The following PPP1R37 variants were observed in gnomAD, a reference collection of about 807,000 sequenced individuals.
The protein encoded by PPP1R37 is leucine rich repeat containing 68.
A neutral mutation model predicts 61.0 loss-of-function variants in PPP1R37; 21 were observed. The ratio of observed to expected loss-of-function variants is 0.34; its 90% CI spans 0.24 to 0.50. The LOEUF (loss-of-function observed/expected upper bound fraction) is 0.50. PPP1R37 is among the 20% of genes least tolerant of loss of function. The pLI is 0.98. For missense variants in PPP1R37, 910 were observed against 952.7 expected (o/e 0.96, Z 0.59); for synonymous variants, 443 against 433.5 (o/e 1.02, Z -0.27).
At chr19:45,122,062 C>T (rs1382521670) in intron 1 of PPP1R37, among the ~76,000 whole-genome samples, 3 of 152,186 alleles carry the variant, frequency 2.0e-5, no homozygotes, top group Non-Finnish European at 4.4e-5. Context: ...ACTCTTCTGC[C>T]TCCTCCTCCC....
intron 7 of PPP1R37, 93 bp downstream of exon 7, chr19:45,142,551 C>G: frequency 7.8e-7 from 1 of 1,290,252 alleles, no homozygotes; most frequent in Non-Finnish European, 1.1e-6. Context: ...CAGACATGGC[C>G]AAGACCACCC....
intron 1 of PPP1R37, among the ~76,000 whole-genome samples, chr19:45,094,750 T>C (rs923632273): frequency 3.4e-5 from 5 of 148,860 alleles, no homozygotes; most frequent in African/African-American, 1.2e-4. Flanking sequence ...AAAAAAGAAT[T>C]GGGGGATGTT....
intron 11 of PPP1R37, 98 bp from the exon 12 acceptor site, chr19:45,146,292 A>G: frequency 8.8e-7 from 1 of 1,137,006 alleles, no homozygotes; most frequent in Non-Finnish European, 1.2e-6. Flanking sequence ...GTCTCTGGGC[A>G]CTCTGCAGGC....
At chr19:45,146,525 G>C in intron 12 of PPP1R37, 45 bp downstream of exon 12, 1 of 1,383,218 alleles carries the variant, frequency 7.2e-7, no homozygotes, top group Non-Finnish European at 9.9e-7. Context: ...GGAGCTGAGA[G>C]AGCCTCTGGC....
chr19:45,100,858 C>G (rs1038904022), intron 1 of PPP1R37, among the ~76,000 whole-genome samples: 2 of 152,146 alleles, frequency 1.3e-5, no homozygotes, highest in African/African-American at 4.8e-5. Flanking sequence ...TTGTGCTGCT[C>G]CTCTGTCCTC....
chr19:45,132,952 G>A (rs1253283668), intron 1 of PPP1R37, among the ~76,000 whole-genome samples: 1 of 152,228 alleles, frequency 6.6e-6, no homozygotes, highest in Non-Finnish European at 1.5e-5. Flanking sequence ...ACGACCCTGG[G>A]AGTTAGTTAC....
chr19:45,132,503 T>G (rs1042324354), intron 1 of PPP1R37, among the ~76,000 whole-genome samples: 1 of 152,130 alleles, frequency 6.6e-6, no homozygotes, highest in African/African-American at 2.4e-5. Context: ...GGTCTCACTT[T>G]GTTGCTCGGC....
Position 45,145,770 on chromosome 19 carries a change from A to G in PPP1R37, c.1714A>G (p.Thr572Ala). The G allele has an allele frequency of 5.9e-6, 9 of 1,515,600 alleles. No homozygotes were observed. The highest frequency in any genetic ancestry group is 7.9e-6 in the Non-Finnish European group (9 of 1,136,318). 93.9% of individuals were successfully genotyped at this position (1,515,600 alleles called of 1,614,324 possible). The change falls in exon 11 of 13, where the codon ACC (threonine) becomes GCC (alanine). Residue 572 changes from threonine (T) to alanine (A), a missense_variant. Around this residue, in one of 3 missense-constraint regions of PPP1R37, gnomAD observed 549 missense variants for 505.1 expected, o/e 1.09. Transcript: ENST00000221462. ...PGRGHKVFVV[T>A]RVESPPERAE... ...CCGGGGCCACAAGGTGTTTGTGGTGACCCGGGTGGAGAGCCCGCCCGAGAG... is the reference window on the plus strand; with the variant it reads ...CCGGGGCCACAAGGTGTTTGTGGTGGCCCGGGTGGAGAGCCCGCCCGAGAG...
intron 1 of PPP1R37, among the ~76,000 whole-genome samples, chr19:45,132,882 A>G (rs1968495748): frequency 6.6e-6 from 1 of 151,842 alleles, no homozygotes; most frequent in African/African-American, 2.4e-5. Flanking sequence ...GTGAGCATGT[A>G]TATGTGTGTG....
At chr19:45,106,554 G>C (rs1968133859) in intron 1 of PPP1R37, among the ~76,000 whole-genome samples, 1 of 151,562 alleles carries the variant, frequency 6.6e-6, no homozygotes, top group Admixed American at 6.6e-5. Context: ...TGTTTGTTTT[G>C]AGATGAGGTC....
At chr19:45,142,016 G>A (rs1350603521) in intron 5 of PPP1R37, 45 bp from the exon 6 acceptor site, 1 of 1,455,656 alleles carries the variant, frequency 6.9e-7, no homozygotes. Flanking sequence ...GAGTGCTGGG[G>A]CAGGCCTGAG....
At chr19:45,146,248 A>T in intron 11 of PPP1R37, 142 bp from the exon 12 acceptor site, 5 of 919,304 alleles carry the variant, frequency 5.4e-6, no homozygotes, top group Non-Finnish European at 8.0e-6. Context: ...GGGGGCATGT[A>T]AGGTGTGCTG....
At chr19:45,106,453 G>T (rs1025934001) in intron 1 of PPP1R37, among the ~76,000 whole-genome samples, 1 of 151,918 alleles carries the variant, frequency 6.6e-6, no homozygotes, top group Non-Finnish European at 1.5e-5. Flanking sequence ...CATGTTGGCT[G>T]GGCTGATCTC....
In PPP1R37 at chr19:45,130,831, G is replaced by C; in HGVS notation, c.203-7683G>C. ...GTCATTTCCAGCCAGAGGTAGCATG[G>C]TTGTTACGGAGCAGCCCTAAATATT... On this transcript the variant is annotated intron_variant, in intron 1 of 12. Coordinates refer to ENST00000221462, the MANE Select transcript of PPP1R37 (RefSeq NM_019121.2). This position sits in a 1 kb window ranked among gnomAD's most constrained non-coding sequence, Gnocchi z 4.4. 6.6e-6 allele frequency among the ~76,000 whole-genome samples: 1 copy of C among 152,140 alleles called. No homozygotes were observed. The highest frequency in any genetic ancestry group is 2.4e-5 in the African/African-American group (1 of 41,412).
At chr19:45,097,122 G>A (rs1310972787) in intron 1 of PPP1R37, among the ~76,000 whole-genome samples, 1 of 152,046 alleles carries the variant, frequency 6.6e-6, no homozygotes, top group Admixed American at 6.5e-5. Context: ...GGTCTAAGGG[G>A]AGGCCCAAGT....
At chr19:45,120,669 C>T (rs1263548599) in intron 1 of PPP1R37, among the ~76,000 whole-genome samples, 2 of 152,242 alleles carry the variant, frequency 1.3e-5, no homozygotes, top group East Asian at 3.9e-4. Flanking sequence ...GCTCTGTTGC[C>T]CAGGCTGGAG....
chr19:45,115,879 G>T (rs1968260692), intron 1 of PPP1R37, among the ~76,000 whole-genome samples: 1 of 151,942 alleles, frequency 6.6e-6, no homozygotes, highest in Non-Finnish European at 1.5e-5. Context: ...GAGGCTGAGG[G>T]AGGAGAATTG....
chr19:45,099,804 T>A (rs1968039624), intron 1 of PPP1R37, among the ~76,000 whole-genome samples: 2 of 152,172 alleles, frequency 1.3e-5, no homozygotes, highest in Non-Finnish European at 2.9e-5. Context: ...CATGGTGGGA[T>A]TTACAGGAAA....
chr19:45,093,248 A>G lies in PPP1R37; in HGVS notation c.-78A>G, dbSNP rs1276924910. The G allele has an allele frequency of 2.6e-6, 3 of 1,158,370 alleles. No homozygotes were observed. Among genetic ancestry groups the G allele is most frequent in the Admixed American group, 8.4e-5 (2 of 23,834 alleles). 71.8% of individuals were successfully genotyped at this position (1,158,370 alleles called of 1,614,324 possible). ...GCGGCGGCGGAGCCCATGCCCCGGG[A>G]CGGCGGGCGGACCCGGAGAGACAAA... On this transcript the variant is annotated 5_prime_UTR_variant, in exon 1 of 13. Transcript: ENST00000221462.
Sources: allele counts gnomAD v4.1 joint callset (sites outside exome capture counted in the v4.1 genomes callset), GRCh38; gene constraint gnomAD v4.1.1; regional missense constraint gnomAD v4.1.1; non-coding constraint Gnocchi (gnomAD v3.1); transcripts MANE v1.5; gene names NCBI Gene and HGNC (gene_info 2026-07-23, HGNC 2026-07-21).